PRKG1: variants seen among roughly 807,000 people sequenced by gnomAD.
PRKG1 encodes the protein cGMP-dependent protein kinase 1.
PRKG1 carries 35 observed loss-of-function variants against 88.1 expected under a neutral mutation model. That is an observed-to-expected ratio of 0.40 (90% CI 0.30 to 0.53). The LOEUF (loss-of-function observed/expected upper bound fraction) is 0.53, where lower values mean the gene tolerates loss of function less well. Ranked by LOEUF, PRKG1 falls within the 20% of genes least tolerant of loss-of-function variation. The pLI, the probability that PRKG1 is intolerant of heterozygous loss-of-function variation, is 0.59. For missense variants in PRKG1, 540 were observed against 839.8 expected (o/e 0.64, Z 4.41); for synonymous variants, 303 against 292.5 (o/e 1.04, Z -0.37).
rs3061211 is a variant in PRKG1, at chr10:51,186,954, TTATATATATATATA to T, written c.478+33640_478+33653del. ...AAAATGAGTTTTGCAAGGCCCTGTG[TTATATATATATATA>T]TATATATATATATATGTATATATAT... On this transcript the variant is annotated intron_variant, in intron 2 of 17. Coordinates refer to ENST00000373980, the MANE Select transcript of PRKG1 (RefSeq NM_006258.4). 4.7e-4 allele frequency among the ~76,000 whole-genome samples: 62 copies of T among 131,254 alleles called. 1 individual carries two copies. In the East Asian group the frequency reaches 0.012, roughly 25 times the overall value. The allele number at this position is 131,254 out of a possible 152,430, so 86.1% of individuals were successfully genotyped here.
intron 9 of PRKG1, among the ~76,000 whole-genome samples, chr10:52,173,470 G>A (rs1838767509): frequency 6.6e-6 from 1 of 152,256 alleles, no homozygotes; most frequent in Non-Finnish European, 1.5e-5. Context: ...AGAAAGAAGT[G>A]ATTTGTAAAT....
chr10:50,995,434 G>C (rs1228261906), intron 1 of PRKG1, among the ~76,000 whole-genome samples: 2 of 152,116 alleles, frequency 1.3e-5, no homozygotes, highest in Non-Finnish European at 2.9e-5. Context: ...GACTTATTGC[G>C]GTACTCATTT....
chr10:51,573,288 G>A (rs950857936), intron 3 of PRKG1, among the ~76,000 whole-genome samples: 4 of 151,850 alleles, frequency 2.6e-5, no homozygotes, highest in African/African-American at 4.8e-5. Flanking sequence ...AAGCTCATGT[G>A]TAATGCTCTG....
chr10:51,715,160 G>A (rs1483347827), intron 3 of PRKG1, among the ~76,000 whole-genome samples: 1 of 152,104 alleles, frequency 6.6e-6, no homozygotes, highest in Non-Finnish European at 1.5e-5. Flanking sequence ...GGTTTTTTGT[G>A]ATATGCTTTT....
chr10:51,940,649 G>T (rs17638971), intron 5 of PRKG1, among the ~76,000 whole-genome samples: 1 of 151,774 alleles, frequency 6.6e-6, no homozygotes, highest in Non-Finnish European at 1.5e-5. Context: ...ATTTAAACAT[G>T]CAAGTCCTGC....
intron 3 of PRKG1, among the ~76,000 whole-genome samples, chr10:51,630,084 G>A (rs1589145385): frequency 6.6e-6 from 1 of 152,266 alleles, no homozygotes. Context: ...GTTTTGCAAC[G>A]CATTCTGTGT....
chr10:51,283,114 C>G (rs1215655105), intron 2 of PRKG1, among the ~76,000 whole-genome samples: 1 of 152,032 alleles, frequency 6.6e-6, no homozygotes, highest in Non-Finnish European at 1.5e-5. Context: ...TCTCTGTCCC[C>G]CAAAAGCAAA....
At chr10:51,362,414 T>G (rs1259665653) in intron 2 of PRKG1, among the ~76,000 whole-genome samples, 1 of 151,796 alleles carries the variant, frequency 6.6e-6, no homozygotes, top group East Asian at 1.9e-4. Flanking sequence ...TCTTTTTTTT[T>G]GGATAGTAAA....
chr10:52,018,560 A>G (rs373454432), intron 5 of PRKG1, among the ~76,000 whole-genome samples: 1 of 152,230 alleles, frequency 6.6e-6, no homozygotes, highest in Admixed American at 6.5e-5. Flanking sequence ...AAACAAATGA[A>G]CAAACAACAA....
At chr10:51,284,185 G>A (rs927897335) in intron 2 of PRKG1, among the ~76,000 whole-genome samples, 2 of 152,092 alleles carry the variant, frequency 1.3e-5, no homozygotes, top group Admixed American at 1.3e-4. Flanking sequence ...AAAATCCGGT[G>A]AAAAGTATAT....
chr10:52,073,441 T>C (rs1280098449), intron 7 of PRKG1, among the ~76,000 whole-genome samples: 2 of 152,214 alleles, frequency 1.3e-5, no homozygotes, highest in African/African-American at 4.8e-5. Context: ...TGCTCCCATA[T>C]CATTGCCGCA....
chr10:52,089,804 C>CTTTTTTTTTTTTTTTTTTTTTTTTTTT (rs397846439), intron 7 of PRKG1, among the ~76,000 whole-genome samples: 3 of 67,722 alleles, frequency 4.4e-5, no homozygotes, highest in African/African-American at 1.3e-4. Flanking sequence ...TTCTTTCCTT[C>CTTTTTTTTTTTTTTTTTTTTTTTTTTT]TTTTTTTTTT....
intron 9 of PRKG1, among the ~76,000 whole-genome samples, chr10:52,213,190 A>G (rs1840026426): frequency 6.6e-6 from 1 of 152,096 alleles, no homozygotes. Flanking sequence ...TAAAAATAAA[A>G]ATAAAACTCT....
At chr10:51,000,687 A>G (rs1335442195) in intron 1 of PRKG1, among the ~76,000 whole-genome samples, 1 of 152,146 alleles carries the variant, frequency 6.6e-6, no homozygotes, top group Non-Finnish European at 1.5e-5. Flanking sequence ...ATCACATCAA[A>G]TCCATGCTGT....
chr10:52,013,188 G>A lies in PRKG1; in HGVS notation c.763-41296G>A, dbSNP rs112165663. ...AATCCCAGCACTTTGGGAAGCCAAGGCAGGAAGATCACGAGGTCAGGAGAT... is the reference window on the plus strand; with the variant it reads ...AATCCCAGCACTTTGGGAAGCCAAGACAGGAAGATCACGAGGTCAGGAGAT... On this transcript the variant is annotated intron_variant, in intron 5 of 17. Transcript: ENST00000373980. Among the ~76,000 whole-genome samples the A allele has an allele frequency of 3.1e-3, 479 of 152,302 alleles. 1 individual carries two copies. The highest frequency in any genetic ancestry group is 0.011 in the African/African-American group (466 of 41,570).
chr10:51,356,221 A>G (rs374359128), intron 2 of PRKG1, among the ~76,000 whole-genome samples: 13 of 152,048 alleles, frequency 8.5e-5, no homozygotes, highest in African/African-American at 3.1e-4. Context: ...TGATGAAAAT[A>G]CTGCCAGAGC....
chr10:51,809,011 A>G (rs1240017732), intron 4 of PRKG1, among the ~76,000 whole-genome samples: 1 of 152,126 alleles, frequency 6.6e-6, no homozygotes, highest in African/African-American at 2.4e-5. Context: ...CTGAATAAAC[A>G]CGTAAGTTTG....
At chr10:51,227,601 A>G (rs1226769750) in intron 2 of PRKG1, among the ~76,000 whole-genome samples, 1 of 152,232 alleles carries the variant, frequency 6.6e-6, no homozygotes, top group African/African-American at 2.4e-5. Context: ...TTATCTTTGT[A>G]TCCCAAATGC....
chr10:51,149,360 A>C (rs988188056), intron 1 of PRKG1, among the ~76,000 whole-genome samples: 11 of 152,136 alleles, frequency 7.2e-5, no homozygotes, highest in African/African-American at 2.2e-4. Context: ...TTAACAGTGA[A>C]TAGTGCTGGC....
Sources: gnomAD v4.1 joint callset for allele counts (sites outside exome capture counted in the v4.1 genomes callset) on GRCh38, gnomAD v4.1.1 for gene constraint, MANE v1.5 for transcripts, NCBI Gene and HGNC (gene_info 2026-07-23, HGNC 2026-07-21) for gene names.